Variants in PKD2 observed in about 807,000 individuals in gnomAD.
The protein encoded by PKD2 is polycystin 2, transient receptor potential cation channel.
A neutral mutation model predicts 105.9 loss-of-function variants in PKD2; 48 were observed. The observed-to-expected ratio is 0.45, with a 90% CI of 0.36 to 0.58. PKD2 has a LOEUF of 0.58. Ranked by LOEUF, PKD2 falls within the 20% of genes least tolerant of loss-of-function variation. The pLI, the probability that PKD2 is intolerant of heterozygous loss-of-function variation, is 0.00. For missense variants in PKD2, 1,078 were observed against 1,255.3 expected (o/e 0.86, Z 2.13); for synonymous variants, 464 against 481.1 (o/e 0.96, Z 0.46).
Position 88,062,023 on chromosome 4 carries a change from C to T in PKD2, c.2118+19C>T, listed in dbSNP as rs777790980. Reference sequence around the variant, plus strand: ...CAGAAAGGTAGGAAAAACCTTAATTCTCAGAATTCTTCTGTTTCTGACATA... The same window carrying T: ...CAGAAAGGTAGGAAAAACCTTAATTTTCAGAATTCTTCTGTTTCTGACATA... On this transcript the variant is annotated intron_variant, in intron 10 of 14. Transcript: ENST00000237596. The T allele has an allele frequency of 2.4e-5, 27 of 1,133,380 alleles. No individual in the cohort carries two copies. The Admixed American group carries it at 4.4e-4, about 18-fold the overall frequency. The allele number at this position is 1,133,380 out of a possible 1,614,324, so 70.2% of individuals were successfully genotyped here. A position where few individuals can be genotyped will look rare whatever the true frequency, so the allele number is the denominator to read the frequency against.
At position 88,016,131 on chromosome 4, in the gene PKD2, G is replaced by A. The variant is rs572899572; in HGVS notation, c.596-3327G>A. ...ATCTGACAGGAGGCGGAGCTCGGGC[G>A]GTAATGCTCACTTGCCTGCGGCTCA... On this transcript the variant is annotated intron_variant, in intron 1 of 14. Coordinates refer to ENST00000237596, the MANE Select transcript of PKD2 (RefSeq NM_000297.4). Among the ~76,000 whole-genome samples, 21 of 152,280 alleles carry A rather than the reference G, an allele frequency of 1.4e-4. No individual in the cohort carries two copies. In the South Asian group the frequency reaches 2.7e-3, roughly 20 times the overall value.
intron 8 of PKD2, 99 bp downstream of exon 8, chr4:88,056,366 T>C: frequency 1.4e-6 from 1 of 721,634 alleles, no homozygotes; most frequent in Non-Finnish European, 2.4e-6. Flanking sequence ...CCACCAATTA[T>C]TTAAAACCAG....
intron 1 of PKD2, among the ~76,000 whole-genome samples, chr4:88,016,239 T>C (rs1008483312): frequency 1.3e-5 from 2 of 152,164 alleles, no homozygotes; most frequent in Non-Finnish European, 2.9e-5. Context: ...CTGCTTTAGA[T>C]GATGTACTCT....
chr4:88,071,511 G>A (rs1035430328), intron 13 of PKD2, among the ~76,000 whole-genome samples: 5 of 149,402 alleles, frequency 3.3e-5, no homozygotes, highest in African/African-American at 4.9e-5. Flanking sequence ...TTTTCTTCTT[G>A]TGTATGGGAA....
At chr4:88,028,264 A>G (rs1727026400) in intron 2 of PKD2, among the ~76,000 whole-genome samples, 1 of 152,248 alleles carries the variant, frequency 6.6e-6, no homozygotes, top group Non-Finnish European at 1.5e-5. Context: ...TAGTTTTCCT[A>G]ATTTGCCAGA....
chr4:88,060,921 T>A (rs1720548199), intron 9 of PKD2, among the ~76,000 whole-genome samples: 1 of 152,212 alleles, frequency 6.6e-6, no homozygotes, highest in Non-Finnish European at 1.5e-5. Flanking sequence ...CCCATTTTAT[T>A]AATGTAAAAC....
Position 88,065,889 on chromosome 4 carries a change from G to T in PKD2, c.2358+10G>T. 1 of 1,486,396 alleles carries T rather than the reference G, an allele frequency of 6.7e-7. No individual in the cohort carries two copies. The highest frequency in any genetic ancestry group is 2.3e-5 in the East Asian group (1 of 44,274). The allele number at this position is 1,486,396 out of a possible 1,614,324, so 92.1% of individuals were successfully genotyped here. On this transcript the variant is annotated intron_variant, in intron 12 of 14. Coordinates refer to ENST00000237596, the MANE Select transcript of PKD2 (RefSeq NM_000297.4). The stretch of plus-strand genomic sequence containing the variant: ...CTTGGAGAAAGAGAGGGTGGGTCTG[G>T]TTTAGGAGAACCGGATTTGATTTGG...
chr4:88,057,912 T>C (rs1254011593), intron 8 of PKD2, 71 bp from the exon 9 acceptor site: 2 of 1,200,978 alleles, frequency 1.7e-6, no homozygotes, highest in Admixed American at 3.4e-5. Flanking sequence ...GAAATCATCT[T>C]TAAGAAATGT....
chr4:88,030,714 C>G (rs1727116373), intron 2 of PKD2, among the ~76,000 whole-genome samples: 1 of 152,224 alleles, frequency 6.6e-6, no homozygotes. Flanking sequence ...TCGGGCCCAC[C>G]TCTTCACACA....
intron 6 of PKD2, among the ~76,000 whole-genome samples, chr4:88,048,125 C>T (rs927170393): frequency 6.6e-6 from 1 of 152,200 alleles, no homozygotes; most frequent in African/African-American, 2.4e-5. Flanking sequence ...TGCTTACAAG[C>T]TTTGCTTGGC....
chr4:88,071,747 CATGT>C (rs1418160971), intron 13 of PKD2, among the ~76,000 whole-genome samples: 1 of 152,092 alleles, frequency 6.6e-6, no homozygotes. Flanking sequence ...CAGCTGTGGC[CATGT>C]ACGTAGTCAC....
In PKD2 at chr4:88,077,706, C is replaced by T. The variant is rs1721280552; in HGVS notation, c.*2012C>T. ...AGACATTACATACGCAAGTCTTTCT[C>T]GACAATCAAGAATGTTATTAATGTG... On this transcript the variant is annotated 3_prime_UTR_variant, in exon 15 of 15. Transcript: ENST00000237596. 1 of 152,094 alleles carries T rather than the reference C, an allele frequency of 6.6e-6. No homozygotes were observed. The highest frequency in any genetic ancestry group is 1.5e-5 in the Non-Finnish European group (1 of 68,008). 9.4% of individuals were successfully genotyped at this position (152,094 alleles called of 1,614,324 possible). A position where few individuals can be genotyped will look rare whatever the true frequency, so the allele number is the denominator to read the frequency against.
intron 2 of PKD2, among the ~76,000 whole-genome samples, chr4:88,021,033 G>C (rs1381178830): frequency 1.3e-5 from 2 of 152,190 alleles, no homozygotes; most frequent in Admixed American, 1.3e-4. Flanking sequence ...AGAAACTTGA[G>C]ATTGAGTTTG....
intron 2 of PKD2, among the ~76,000 whole-genome samples, chr4:88,033,622 A>G (rs1222022431): frequency 2.0e-5 from 3 of 152,182 alleles, no homozygotes; most frequent in Non-Finnish European, 4.4e-5. Context: ...CTAGGAAAAT[A>G]AAGAGATAAA....
At chr4:88,041,414 G>A (rs1015661729) in intron 4 of PKD2, among the ~76,000 whole-genome samples, 1 of 152,152 alleles carries the variant, frequency 6.6e-6, no homozygotes. Flanking sequence ...TTCACTAGAA[G>A]GACTCAGCAT....
At chr4:88,068,118 C>A in intron 13 of PKD2, 57 bp downstream of exon 13, 1 of 1,305,346 alleles carries the variant, frequency 7.7e-7, no homozygotes, top group Non-Finnish European at 1.1e-6. Context: ...TGAGACCAGG[C>A]AGTTCCCTCA....
In PKD2 at chr4:88,007,879, A is replaced by G; in HGVS notation, c.146A>G (p.Gln49Arg). 1.5e-6 allele frequency: 2 copies of G among 1,316,124 alleles called. No individual in the cohort carries two copies. Among genetic ancestry groups the G allele is most frequent in the Non-Finnish European group, 1.9e-6 (2 of 1,028,048 alleles). The allele number at this position is 1,316,124 out of a possible 1,614,324, so 81.5% of individuals were successfully genotyped here. A position where few individuals can be genotyped will look rare whatever the true frequency, so the allele number is the denominator to read the frequency against. The change falls in exon 1 of 15, where the codon CAG (glutamine) becomes CGG (arginine). Residue 49 changes from glutamine (Q) to arginine (R), a missense_variant. By Grantham distance (43) the Gln-to-Arg change is conservative. Transcript: ENST00000237596. ...GCCGCCCCGGGCGGCCTCTGCGAGC[A>G]GCGGGGCCTGGAGATCGAGATGCAG... ...SLAAPGGLCEQRGLEIEMQRI... is the reference protein window; with the variant it reads ...SLAAPGGLCERRGLEIEMQRI...
Position 88,077,317 on chromosome 4 carries a change from C to T in PKD2, c.*1623C>T, listed in dbSNP as rs1279091858. On this transcript the variant is annotated 3_prime_UTR_variant, in exon 15 of 15. Transcript: ENST00000237596. ...CCTCATGGCTTCATCTCTATCTTTA[C>T]TTTCTCTTGAATATGCTACACAAAG... 1 of 152,618 alleles carries T rather than the reference C, an allele frequency of 6.6e-6. No individual in the cohort carries two copies. Among genetic ancestry groups the T allele is most frequent in the East Asian group, 1.9e-4 (1 of 5,200 alleles). The allele number at this position is 152,618 out of a possible 1,614,324, so 9.5% of individuals were successfully genotyped here.
chr4:88,070,597 T>TAGAGAG (rs1359028384), intron 13 of PKD2, among the ~76,000 whole-genome samples: 1,083 of 98,954 alleles, frequency 0.011, 1 homozygote, highest in Non-Finnish European at 0.013. Flanking sequence ...TATATATATA[T>TAGAGAG]ATATAGAGAG....
Sources: allele counts gnomAD v4.1 joint callset (sites outside exome capture counted in the v4.1 genomes callset), GRCh38; gene constraint gnomAD v4.1.1; transcripts MANE v1.5; gene names NCBI Gene and HGNC (gene_info 2026-07-23, HGNC 2026-07-21).